Variants in CERT1 observed in about 807,000 individuals in gnomAD.
CERT1 encodes ceramide transfer protein.
CERT1 carries 31 observed loss-of-function variants against 87.9 expected under a neutral mutation model. That is an observed-to-expected ratio of 0.35 (90% confidence interval 0.27 to 0.48). CERT1 has a LOEUF of 0.48. Among genes scored for constraint, CERT1 ranks in the 20% least tolerant of loss-of-function variants. The probability of loss-of-function intolerance (pLI) is 0.99; values close to 1 mark genes in which losing one functional copy is unlikely to be tolerated. For missense variants in CERT1, 487 were observed against 758.0 expected (o/e 0.64, Z 4.20); for synonymous variants, 289 against 250.9 (o/e 1.15, Z -1.44).
chr5:75,448,811 T>C (rs1764658182), intron 3 of CERT1, among the ~76,000 whole-genome samples: 1 of 152,212 alleles, frequency 6.6e-6, no homozygotes, highest in Non-Finnish European at 1.5e-5. Flanking sequence ...AATCTCATTT[T>C]CTTTAATATC....
At chr5:75,370,433 A>G (rs1291360590) in intron 17 of CERT1, 3 of 152,206 alleles carry the variant, frequency 2.0e-5, no homozygotes, top group Admixed American at 1.3e-4. Context: ...CAATTACAAA[A>G]TAAGTGTGTA....
At chr5:75,490,507 A>AT (rs374291367) in intron 2 of CERT1, among the ~76,000 whole-genome samples, 11 of 150,252 alleles carry the variant, frequency 7.3e-5, no homozygotes, top group Admixed American at 1.3e-4. Flanking sequence ...TTATTTATTT[A>AT]TTTTTTTTTG....
At chr5:75,369,202 C>T (rs1760999275) in intron 17 of CERT1, 4 of 152,220 alleles carry the variant, frequency 2.6e-5, no homozygotes, top group Admixed American at 1.3e-4. Context: ...AGGTGTGAGC[C>T]GCTGCCCCCG....
intron 2 of CERT1, among the ~76,000 whole-genome samples, chr5:75,503,077 C>T (rs1398862962): frequency 6.6e-6 from 1 of 152,012 alleles, no homozygotes; most frequent in East Asian, 1.9e-4. Context: ...AATTATTTCA[C>T]CCACTTTATT....
At chr5:75,434,666 C>A (rs1438367841) in intron 3 of CERT1, among the ~76,000 whole-genome samples, 3 of 151,238 alleles carry the variant, frequency 2.0e-5, no homozygotes, top group Admixed American at 6.6e-5. Flanking sequence ...TTACTGATTC[C>A]ATTTCTGAAC....
chr5:75,401,937 G>A (rs1762511626), intron 9 of CERT1: 1 of 152,176 alleles, frequency 6.6e-6, no homozygotes, highest in Non-Finnish European at 1.5e-5. Flanking sequence ...CCCCAAAAAG[G>A]TTAAGCTTCC....
At position 75,386,032 on chromosome 5, in the gene CERT1, T is replaced by G. The variant is rs148645687; in HGVS notation, c.1287A>C (p.Val429=). The change falls in exon 13 of 17, where the codon GTA becomes GTC. Residue 429 remains valine, a splice_region_variant and synonymous_variant. Coordinates refer to ENST00000643780, the MANE Select transcript of CERT1 (RefSeq NM_001379029.1). ...QLVVEEGEMK[V]YRREVEENGI... Reference sequence around the variant, plus strand: ...CATTTTCTTCTACTTCTCTTCTGTATACCTAAAGAGAACATAATTCCAAAA... The same window carrying G: ...CATTTTCTTCTACTTCTCTTCTGTAGACCTAAAGAGAACATAATTCCAAAA... The G allele has an allele frequency of 1.3e-6, 2 of 1,527,666 alleles. No homozygotes were observed. Among genetic ancestry groups the G allele is most frequent in the African/African-American group, 2.8e-5 (2 of 71,260 alleles). The allele number at this position is 1,527,666 out of a possible 1,614,324, so 94.6% of individuals were successfully genotyped here.
chr5:75,452,271 A>C (rs1764797720), intron 3 of CERT1, among the ~76,000 whole-genome samples: 1 of 152,168 alleles, frequency 6.6e-6, no homozygotes, highest in Non-Finnish European at 1.5e-5. Context: ...TTTCATATGA[A>C]TCTTTGTGTC....
At chr5:75,412,297 C>T (rs993047989) in intron 7 of CERT1, among the ~76,000 whole-genome samples, 2 of 152,142 alleles carry the variant, frequency 1.3e-5, no homozygotes, top group Non-Finnish European at 2.9e-5. Context: ...TAGTAATAAT[C>T]TTGCTGAATT....
chr5:75,479,944 C>A (rs952820985), intron 2 of CERT1, among the ~76,000 whole-genome samples: 1 of 152,170 alleles, frequency 6.6e-6, no homozygotes, highest in African/African-American at 2.4e-5. Context: ...TGCAACCTTG[C>A]CAGCATCTGT....
At chr5:75,491,586 C>G (rs1399613855) in intron 2 of CERT1, among the ~76,000 whole-genome samples, 1 of 152,128 alleles carries the variant, frequency 6.6e-6, no homozygotes, top group Non-Finnish European at 1.5e-5. Context: ...TCTGTCTTCT[C>G]AAGGAACATA....
chr5:75,510,820 C>T (rs991591879), intron 1 of CERT1, among the ~76,000 whole-genome samples: 2 of 152,176 alleles, frequency 1.3e-5, no homozygotes, highest in African/African-American at 4.8e-5. Context: ...GGATTCCTTA[C>T]ACCCGGGACA....
intron 3 of CERT1, 70 bp from the exon 4 acceptor site, chr5:75,426,548 A>C: frequency 9.2e-7 from 1 of 1,089,126 alleles, no homozygotes; most frequent in East Asian, 2.6e-5. Flanking sequence ...AAGGTTTCCT[A>C]TGAATTAACA....
intron 14 of CERT1, among the ~76,000 whole-genome samples, chr5:75,382,506 GAA>G (rs932552628): frequency 1.3e-4 from 19 of 151,782 alleles, no homozygotes; most frequent in African/African-American, 4.6e-4. Context: ...AAGATTTAAT[GAA>G]AAAAGACTTA....
chr5:75,498,472 C>T (rs986466086), intron 2 of CERT1, among the ~76,000 whole-genome samples: 3 of 152,192 alleles, frequency 2.0e-5, no homozygotes, highest in Non-Finnish European at 4.4e-5. Flanking sequence ...GTCTTGGGAC[C>T]TGGCGCCCTG....
At position 75,416,081 on chromosome 5, in the gene CERT1, AAT is replaced by A. The variant is rs554288380; in HGVS notation, c.837+793_837+794del. ...TCAAAGGCCTTCAAACTCTGCAAGC[AAT>A]ATAACTCAGAATGAATATGATTCTG... On this transcript the variant is annotated intron_variant, in intron 7 of 16. Coordinates refer to ENST00000643780, the MANE Select transcript of CERT1 (RefSeq NM_001379029.1). Among the ~76,000 whole-genome samples, 12 of 152,250 alleles carry A rather than the reference AAT, an allele frequency of 7.9e-5. No individual in the cohort carries two copies. In the South Asian group the frequency reaches 2.5e-3, roughly 32 times the overall value.
downstream of CERT1, chr5:75,374,429 G>T: frequency 3.5e-6 from 2 of 563,908 alleles, no homozygotes; most frequent in South Asian, 4.6e-5. Context: ...AAAAAAAAAC[G>T]GGAACAGTCC....
At chr5:75,479,633 G>A (rs999553100) in intron 2 of CERT1, among the ~76,000 whole-genome samples, 5 of 152,104 alleles carry the variant, frequency 3.3e-5, no homozygotes, top group African/African-American at 4.8e-5. Flanking sequence ...TCTTTTTTAT[G>A]TCTGCATAGT....
chr5:75,494,585 T>C (rs974663094), intron 2 of CERT1, among the ~76,000 whole-genome samples: 1 of 152,190 alleles, frequency 6.6e-6, no homozygotes, highest in African/African-American at 2.4e-5. Flanking sequence ...GTTTCTTAAA[T>C]TGACATATAA....
Sources: gnomAD v4.1 joint callset for allele counts (sites outside exome capture counted in the v4.1 genomes callset) on GRCh38, gnomAD v4.1.1 for gene constraint, MANE v1.5 for transcripts, NCBI Gene and HGNC (gene_info 2026-07-23, HGNC 2026-07-21) for gene names.